NFIX: variants seen among roughly 807,000 people sequenced by gnomAD.
The protein encoded by NFIX is nuclear factor 1 X-type.
Under a neutral mutation model 53.3 loss-of-function variants are expected in NFIX, and 2 were observed. That is an observed-to-expected ratio of 0.04 (90% CI 0.02 to 0.12). The LOEUF (loss-of-function observed/expected upper bound fraction) is 0.12, where lower values mean the gene tolerates loss of function less well. Ranked by LOEUF, NFIX falls within the 10% of genes least tolerant of loss-of-function variation. The probability of loss-of-function intolerance (pLI) is 1.00; values close to 1 mark genes in which losing one functional copy is unlikely to be tolerated. For synonymous variants in NFIX, 244 were observed against 289.0 expected (o/e 0.84, Z 1.58); for missense variants, 310 against 674.5 (o/e 0.46, Z 5.99).
rs149305779 is a variant in NFIX at position 13,027,647 on chromosome 19, G to A, written c.559+2095G>A. ...TCCCTGGCCTCTTTTATTTTAGGCC[G>A]AATTCTTGACTGCTGCCAGTGTGGG... On this transcript the variant is annotated intron_variant, in intron 2 of 10. Coordinates refer to ENST00000592199, the MANE Select transcript of NFIX (RefSeq NM_001365902.3). The surrounding 1 kb of genome is among the most constrained non-coding windows in gnomAD (Gnocchi z 4.3). Among the ~76,000 whole-genome samples, 277 of 152,240 alleles carry A rather than the reference G, an allele frequency of 1.8e-3. No homozygotes were observed. Among genetic ancestry groups the A allele is most frequent in the African/African-American group, 6.5e-3 (270 of 41,524 alleles).
In NFIX at chr19:13,052,253, C is replaced by T. The variant is rs926886729; in HGVS notation, c.560-20794C>T. 3.3e-5 allele frequency among the ~76,000 whole-genome samples: 5 copies of T among 152,182 alleles called. No individual in the cohort carries two copies. Among genetic ancestry groups the T allele is most frequent in the Non-Finnish European group, 5.9e-5 (4 of 68,032 alleles). On this transcript the variant is annotated intron_variant, in intron 2 of 10. Coordinates refer to ENST00000592199, the MANE Select transcript of NFIX (RefSeq NM_001365902.3). This position sits in a 1 kb window ranked among gnomAD's most constrained non-coding sequence, Gnocchi z 5.2. ...TGCTGTTGGTCCTCCAGGCTTTCCC[C>T]CTGCCTCTGCCAGCTGCTGCCTCTC... is the stretch of plus-strand genomic sequence containing the variant.
Position 13,036,789 on chromosome 19 carries a change from C to T in NFIX, c.559+11237C>T, listed in dbSNP as rs1448240031. Among the ~76,000 whole-genome samples, 1 of 152,136 alleles carries T rather than the reference C, an allele frequency of 6.6e-6. No individual in the cohort carries two copies. Among genetic ancestry groups the T allele is most frequent in the East Asian group, 1.9e-4 (1 of 5,192 alleles). ...GCCCCACACCAAATATGTGGTCACACCAGAGCCACCTTATAAATACCCGTG... is the reference window on the plus strand; with the variant it reads ...GCCCCACACCAAATATGTGGTCACATCAGAGCCACCTTATAAATACCCGTG... On this transcript the variant is annotated intron_variant, in intron 2 of 10. Coordinates refer to ENST00000592199, the MANE Select transcript of NFIX (RefSeq NM_001365902.3). The surrounding 1 kb of genome is among the most constrained non-coding windows in gnomAD (Gnocchi z 4.7).
rs374882222 is a variant in NFIX, at chr19:12,998,470, A to T, written c.27+2606A>T. Reference sequence around the variant, plus strand: ...GGCGAGGGGGAAGGGCGGGGGGAAAAATCTCCTTCTAGAAAAAGCATCGAA... The same window carrying T: ...GGCGAGGGGGAAGGGCGGGGGGAAATATCTCCTTCTAGAAAAAGCATCGAA... On this transcript the variant is annotated intron_variant, in intron 1 of 10. Transcript: ENST00000592199. The surrounding 1 kb of genome is among the most constrained non-coding windows in gnomAD (Gnocchi z 4.4). 1.3e-5 allele frequency among the ~76,000 whole-genome samples: 2 copies of T among 151,892 alleles called. No individual in the cohort carries two copies. The highest frequency in any genetic ancestry group is 4.2e-4 in the South Asian group (2 of 4,808).
intron 1 of NFIX, among the ~76,000 whole-genome samples, chr19:12,997,126 C>G (rs568146699): frequency 1.3e-5 from 2 of 152,364 alleles, no homozygotes; most frequent in South Asian, 4.1e-4. Flanking sequence ...CCAAGTGTGT[C>G]CACAGCTTAC....
At chr19:13,020,050 C>T (rs913457203) in intron 1 of NFIX, among the ~76,000 whole-genome samples, 5 of 151,986 alleles carry the variant, frequency 3.3e-5, no homozygotes, top group African/African-American at 1.2e-4. Context: ...CACCTGAACT[C>T]TTACACTTGC....
chr19:12,998,969 G>A lies in NFIX; in HGVS notation c.27+3105G>A, dbSNP rs1431205757. On this transcript the variant is annotated intron_variant, in intron 1 of 10. Transcript: ENST00000592199. This position sits in a 1 kb window ranked among gnomAD's most constrained non-coding sequence, Gnocchi z 4.4. The stretch of plus-strand genomic sequence containing the variant: ...CCCTCGAGATGATACAGATAGCGAC[G>A]AAGGCACATGGAGACCACGACACCT... 1.3e-5 allele frequency among the ~76,000 whole-genome samples: 2 copies of A among 152,108 alleles called. No individual in the cohort carries two copies. The highest frequency in any genetic ancestry group is 2.1e-4 in the South Asian group (1 of 4,810).
chr19:13,094,667 A>G lies in NFIX; in HGVS notation c.*18A>G, dbSNP rs1416895575. 5 of 1,535,904 alleles carry G rather than the reference A, an allele frequency of 3.3e-6. No homozygotes were observed. In the African/African-American group the frequency reaches 6.8e-5, roughly 21 times the overall value. On this transcript the variant is annotated 3_prime_UTR_variant, in exon 11 of 11. Transcript: ENST00000592199. This position sits in a 1 kb window ranked among gnomAD's most constrained non-coding sequence, Gnocchi z 4.3. ...TCCTCTGATAAGATCGACAAAAGAA[A>G]CAACAAAATGAGAAGAAGAGGTTCC...
Position 13,081,065 on chromosome 19 carries a change from C to T in NFIX, c.1079-615C>T, listed in dbSNP as rs1391726408. 6.6e-6 allele frequency among the ~76,000 whole-genome samples: 1 copy of T among 151,326 alleles called. No individual in the cohort carries two copies. Among genetic ancestry groups the T allele is most frequent in the East Asian group, 1.9e-4 (1 of 5,148 alleles). On this transcript the variant is annotated intron_variant, in intron 7 of 10. Coordinates refer to ENST00000592199, the MANE Select transcript of NFIX (RefSeq NM_001365902.3). This position sits in a 1 kb window ranked among gnomAD's most constrained non-coding sequence, Gnocchi z 4.7. ...CTGTAATCCCAGCACTTTGGGAGGC[C>T]AAGGCAGGCAGATCACTTGAGCCCA... is the stretch of plus-strand genomic sequence containing the variant.
chr19:13,000,260 A>G (rs879655427), intron 1 of NFIX, among the ~76,000 whole-genome samples: 8 of 152,144 alleles, frequency 5.3e-5, no homozygotes, highest in African/African-American at 7.2e-5. Context: ...CTTAGGTTCA[A>G]TGTGGTGCCT....
intron 2 of NFIX, among the ~76,000 whole-genome samples, chr19:13,056,168 G>C (rs976419142): frequency 6.6e-6 from 1 of 152,212 alleles, no homozygotes; most frequent in African/African-American, 2.4e-5. Flanking sequence ...CCCTTCGGAA[G>C]GAGTTGGGGA....
intron 2 of NFIX, among the ~76,000 whole-genome samples, chr19:13,030,969 T>C (rs1212272538): frequency 6.6e-6 from 1 of 152,212 alleles, no homozygotes; most frequent in Admixed American, 6.5e-5. Context: ...TTTTGGACAT[T>C]CGTGTCTGTT....
intron 2 of NFIX, among the ~76,000 whole-genome samples, chr19:13,057,333 C>T (rs1405630079): frequency 6.6e-6 from 1 of 152,198 alleles, no homozygotes; most frequent in Non-Finnish European, 1.5e-5. Context: ...GGAAACAACC[C>T]CATTGTCATC....
chr19:13,074,726 G>A (rs1444174367), intron 5 of NFIX, among the ~76,000 whole-genome samples: 1 of 150,866 alleles, frequency 6.6e-6, no homozygotes, highest in African/African-American at 2.4e-5. Context: ...TTTTAAAACG[G>A]GTGTTTATAT....
At position 13,045,036 on chromosome 19, in the gene NFIX, G is replaced by A. The variant is rs886657562; in HGVS notation, c.559+19484G>A. 6.6e-6 allele frequency among the ~76,000 whole-genome samples: 1 copy of A among 152,176 alleles called. No individual in the cohort carries two copies. Among genetic ancestry groups the A allele is most frequent in the African/African-American group, 2.4e-5 (1 of 41,434 alleles). On this transcript the variant is annotated intron_variant, in intron 2 of 10. Transcript: ENST00000592199. This position sits in a 1 kb window ranked among gnomAD's most constrained non-coding sequence, Gnocchi z 4.4. The stretch of plus-strand genomic sequence containing the variant: ...CAGTACTGAGGATGGTGAGAACAGC[G>A]GTGGCCCGCCGGCAGCTCAGATACC...
chr19:13,090,498 G>C lies in NFIX; in HGVS notation c.1494+108G>C. ...CTGGAGTCCTTGGGGCTAACAGGGA[G>C]AGAGAGGTCTGAGGTGGGGCTGGAG... On this transcript the variant is annotated intron_variant, in intron 10 of 10. Coordinates refer to ENST00000592199, the MANE Select transcript of NFIX (RefSeq NM_001365902.3). The surrounding 1 kb of genome is among the most constrained non-coding windows in gnomAD (Gnocchi z 6.6). The C allele has an allele frequency of 9.3e-7, 1 of 1,080,904 alleles. No homozygotes were observed. Among genetic ancestry groups the C allele is most frequent in the Non-Finnish European group, 1.4e-6 (1 of 707,104 alleles). The allele number at this position is 1,080,904 out of a possible 1,614,324, so 67.0% of individuals were successfully genotyped here. A position where few individuals can be genotyped will look rare whatever the true frequency, so the allele number is the denominator to read the frequency against.
chr19:13,060,734 C>T lies in NFIX; in HGVS notation c.560-12313C>T, dbSNP rs1336636928. Among the ~76,000 whole-genome samples the T allele has an allele frequency of 1.3e-5, 2 of 151,990 alleles. No individual in the cohort carries two copies. Among genetic ancestry groups the T allele is most frequent in the East Asian group, 3.9e-4 (2 of 5,118 alleles). On this transcript the variant is annotated intron_variant, in intron 2 of 10. Transcript: ENST00000592199. The surrounding 1 kb of genome is among the most constrained non-coding windows in gnomAD (Gnocchi z 4.3). ...AGGCCCAGTCTGGGGCCCTGTGAAGCGATCTGCACTGCCCAGGGTCAGGGG... is the reference window on the plus strand; with the variant it reads ...AGGCCCAGTCTGGGGCCCTGTGAAGTGATCTGCACTGCCCAGGGTCAGGGG...
chr19:13,003,212 TCAAA>T (rs1424418749), intron 1 of NFIX, among the ~76,000 whole-genome samples: 1 of 151,890 alleles, frequency 6.6e-6, no homozygotes, highest in Non-Finnish European at 1.5e-5. Context: ...CCTCCCTCAA[TCAAA>T]CAGACACAGG....
At chr19:13,031,974 CCA>C (rs1025758652) in intron 2 of NFIX, among the ~76,000 whole-genome samples, 2 of 151,632 alleles carry the variant, frequency 1.3e-5, no homozygotes, top group Non-Finnish European at 2.9e-5. Flanking sequence ...TCCCATCCCT[CCA>C]CCCCCGCCCT....
intron 1 of NFIX, among the ~76,000 whole-genome samples, chr19:13,017,322 TAATAA>T (rs1163632325): frequency 2.6e-5 from 4 of 152,226 alleles, no homozygotes; most frequent in Non-Finnish European, 5.9e-5. Flanking sequence ...ATGATCCTGA[TAATAA>T]AATAGTTGCG....
Sources: gnomAD v4.1 joint callset for allele counts (sites outside exome capture counted in the v4.1 genomes callset) on GRCh38, gnomAD v4.1.1 for gene constraint, Gnocchi (gnomAD v3.1) non-coding constraint, MANE v1.5 for transcripts, NCBI Gene and HGNC (gene_info 2026-07-23, HGNC 2026-07-21) for gene names.